Variants in RBFOX1 observed in about 807,000 individuals in gnomAD.
RBFOX1 encodes RNA binding fox-1 homolog 1.
In RBFOX1, 8 loss-of-function variants were observed where a neutral mutation model predicts 57.7. That is an observed-to-expected ratio of 0.14 (90% CI 0.08 to 0.25). The LOEUF is 0.25. RBFOX1 is among the 10% of genes least tolerant of loss of function. RBFOX1 has a pLI of 1.00. For synonymous variants in RBFOX1, 326 were observed against 222.4 expected (o/e 1.47, Z -4.15); for missense variants, 611 against 548.5 (o/e 1.11, Z -1.14).
chr16:6,697,501 C>T (rs983738894), intron 3 of RBFOX1, among the ~76,000 whole-genome samples: 2 of 152,288 alleles, frequency 1.3e-5, no homozygotes, highest in Middle Eastern at 3.4e-3. Flanking sequence ...TGTACAGAAT[C>T]TAATATCTCC....
chr16:6,102,157 G>A (rs1597327817), intron 1 of RBFOX1, among the ~76,000 whole-genome samples: 2 of 139,856 alleles, frequency 1.4e-5, no homozygotes, highest in South Asian at 2.4e-4. Context: ...ATTTATTAGG[G>A]TAATCTTCCC....
intron 1 of RBFOX1, among the ~76,000 whole-genome samples, chr16:5,253,020 G>A (rs760779440): frequency 5.3e-5 from 8 of 152,206 alleles, no homozygotes; most frequent in Non-Finnish European, 1.0e-4. Context: ...CAGCGTGAGG[G>A]GTTCTCCTCT....
rs575494104 is a variant in RBFOX1 at position 6,201,438 on chromosome 16, C to T, written c.-126-115557C>T. Among the ~76,000 whole-genome samples the T allele has an allele frequency of 3.3e-5, 5 of 152,188 alleles. No homozygotes were observed. In the East Asian group the frequency reaches 9.7e-4, roughly 29 times the overall value. The stretch of plus-strand genomic sequence containing the variant: ...TCTCAACAACAGCGTATAAGGATTC[C>T]CCTTTCTCCACATCCTGGCCAGTAT... On this transcript the variant is annotated intron_variant, in intron 1 of 15. Coordinates refer to ENST00000550418, the MANE Select transcript of RBFOX1 (RefSeq NM_018723.4).
chr16:5,603,440 C>G (rs894636735), downstream of RBFOX1, among the ~76,000 whole-genome samples: 2 of 152,134 alleles, frequency 1.3e-5, no homozygotes, highest in African/African-American at 4.8e-5. Flanking sequence ...GTTTCCCATG[C>G]TGCATTGAGC....
chr16:6,823,378 TCCCAAGTAGC>T (rs2091645093), intron 3 of RBFOX1, among the ~76,000 whole-genome samples: 1 of 151,952 alleles, frequency 6.6e-6, no homozygotes, highest in Non-Finnish European at 1.5e-5. Context: ...TGCCTCAGCC[TCCCAAGTAGC>T]TAGTATTATA....
chr16:7,425,330 A>T (rs1209554982), intron 4 of RBFOX1, among the ~76,000 whole-genome samples: 2 of 152,164 alleles, frequency 1.3e-5, no homozygotes, highest in African/African-American at 4.8e-5. Flanking sequence ...TTGATGAGTA[A>T]TAGTTGAGTT....
intron 2 of RBFOX1, among the ~76,000 whole-genome samples, chr16:5,570,454 A>G (rs1257342692): frequency 6.6e-6 from 1 of 152,154 alleles, no homozygotes; most frequent in Non-Finnish European, 1.5e-5. Context: ...CCTGGCAAGC[A>G]TTTGATAAGT....
chr16:7,707,888 G>C (rs573085535), intron 14 of RBFOX1, among the ~76,000 whole-genome samples: 5 of 152,234 alleles, frequency 3.3e-5, no homozygotes, highest in Admixed American at 1.3e-4. Context: ...TAAGTCACTT[G>C]CACAGGAATC....
intron 4 of RBFOX1, among the ~76,000 whole-genome samples, chr16:7,093,568 G>A (rs754794904): frequency 1.1e-4 from 16 of 152,144 alleles, no homozygotes; most frequent in Admixed American, 5.2e-4. Context: ...GGACCCTCAT[G>A]AACATCTCAA....
intron 3 of RBFOX1, among the ~76,000 whole-genome samples, chr16:6,865,999 A>G: frequency 6.6e-6 from 1 of 152,216 alleles, no homozygotes; most frequent in Non-Finnish European, 1.5e-5. Flanking sequence ...CGGGGAAAAA[A>G]GAGGGAGTAA....
At chr16:5,965,988 TTGC>T (rs2059835927) in intron 4 of RBFOX1, among the ~76,000 whole-genome samples, 1 of 152,212 alleles carries the variant, frequency 6.6e-6, no homozygotes, top group African/African-American at 2.4e-5. Flanking sequence ...GCTGGCATTC[TTGC>T]TGCCCCCAAC....
Position 7,048,766 on chromosome 16 carries a change from T to C in RBFOX1, c.-15-3291T>C, listed in dbSNP as rs113590900. 5.0e-3 allele frequency among the ~76,000 whole-genome samples: 768 copies of C among 152,336 alleles called. 10 individuals are homozygous for C. The highest frequency in any genetic ancestry group is 0.018 in the African/African-American group (733 of 41,586). ...TGCAAATTTAGATTTTCTTGGTTCC[T>C]AGTATGCTAAGTCATTTTGGTTTGT... On this transcript the variant is annotated intron_variant, in intron 3 of 15. Transcript: ENST00000550418.
At chr16:7,136,219 C>T (rs2071908652) in intron 4 of RBFOX1, among the ~76,000 whole-genome samples, 1 of 152,026 alleles carries the variant, frequency 6.6e-6, no homozygotes, top group African/African-American at 2.4e-5. Context: ...TTGTGTTCGT[C>T]CATATGGTAG....
chr16:5,700,782 G>A (rs543965724), intron 3 of RBFOX1, among the ~76,000 whole-genome samples: 20 of 152,268 alleles, frequency 1.3e-4, no homozygotes, highest in African/African-American at 4.1e-4. Flanking sequence ...TTAGTGCACT[G>A]TGGATGAATT....
chr16:6,848,665 G>A (rs919441981), intron 3 of RBFOX1, among the ~76,000 whole-genome samples: 3 of 152,058 alleles, frequency 2.0e-5, no homozygotes, highest in African/African-American at 7.2e-5. Context: ...AGGGAAAAAA[G>A]CAACCTAGGT....
chr16:6,807,928 G>T lies in RBFOX1; in HGVS notation c.-16+153278G>T, dbSNP rs999948044. ...TGTGTGTGTGTGTATATATATATAG[G>T]GTATAATATGCATATGTAATATATG... is the stretch of plus-strand genomic sequence containing the variant. On this transcript the variant is annotated intron_variant, in intron 3 of 15. Coordinates refer to ENST00000550418, the MANE Select transcript of RBFOX1 (RefSeq NM_018723.4). 8.4e-5 allele frequency among the ~76,000 whole-genome samples: 11 copies of T among 131,170 alleles called. 1 individual carries two copies. The highest frequency in any genetic ancestry group is 3.5e-4 in the African/African-American group (11 of 31,644). 86.1% of individuals were successfully genotyped at this position (131,170 alleles called of 152,430 possible). A position where few individuals can be genotyped will look rare whatever the true frequency, so the allele number is the denominator to read the frequency against.
At chr16:7,166,480 G>C (rs1405694738) in intron 4 of RBFOX1, among the ~76,000 whole-genome samples, 1 of 152,024 alleles carries the variant, frequency 6.6e-6, no homozygotes, top group African/African-American at 2.4e-5. Context: ...AGAAGAACAG[G>C]GTGGGTAGGA....
At chr16:6,613,003 ATGTGTG>A (rs57236292) in intron 2 of RBFOX1, among the ~76,000 whole-genome samples, 71,840 of 142,846 alleles carry the variant, frequency 0.5, 18,284 homozygotes, top group Non-Finnish European at 0.56. Context: ...CAGTCCCAGC[ATGTGTG>A]TGTGTGTGTG....
At chr16:5,619,854 G>C (rs998246039) in intron 3 of RBFOX1, among the ~76,000 whole-genome samples, 2 of 152,076 alleles carry the variant, frequency 1.3e-5, no homozygotes, top group African/African-American at 4.8e-5. Flanking sequence ...GGGGACATGG[G>C]GGCTCACTTC....
Sources: allele counts gnomAD v4.1 joint callset (sites outside exome capture counted in the v4.1 genomes callset), GRCh38; gene constraint gnomAD v4.1.1; transcripts MANE v1.5; gene names NCBI Gene and HGNC (gene_info 2026-07-23, HGNC 2026-07-21).